Variants in DPP6 observed in about 807,000 individuals in gnomAD.
The protein encoded by DPP6 is A-type potassium channel modulatory protein DPP6.
In DPP6, 69 loss-of-function variants were observed where a neutral mutation model predicts 122.6. The ratio of observed to expected loss-of-function variants is 0.56; its 90% CI spans 0.46 to 0.69. DPP6 has a LOEUF of 0.69. Among genes scored for constraint, DPP6 ranks in the 30% least tolerant of loss-of-function variants. The pLI is 0.00. For missense variants in DPP6, 928 were observed against 1,116.9 expected (o/e 0.83, Z 2.41); for synonymous variants, 418 against 433.1 (o/e 0.97, Z 0.43).
chr7:154,431,354 A>G lies in DPP6; in HGVS notation c.244-14860A>G, dbSNP rs181630469. Among the ~76,000 whole-genome samples, 904 of 152,294 alleles carry G rather than the reference A, an allele frequency of 5.9e-3. 13 individuals are homozygous for G. The highest frequency in any genetic ancestry group is 0.021 in the African/African-American group (871 of 41,558). On this transcript the variant is annotated intron_variant, in intron 1 of 25. Transcript: ENST00000377770. The stretch of plus-strand genomic sequence containing the variant: ...CACACCACCCACAAAAGGCAGGCGG[A>G]CAGTGGAAGAACACTCCAGGCCCCC...
intron 1 of DPP6, among the ~76,000 whole-genome samples, chr7:153,889,923 T>A (rs1359285589): frequency 1.3e-5 from 2 of 152,208 alleles, no homozygotes; most frequent in East Asian, 3.9e-4. Flanking sequence ...AATTTTCATG[T>A]TCCAAGGAAA....
At chr7:154,472,099 T>C (rs1173914493) in intron 2 of DPP6, among the ~76,000 whole-genome samples, 1 of 152,128 alleles carries the variant, frequency 6.6e-6, no homozygotes, top group Non-Finnish European at 1.5e-5. Context: ...AAGGAGGGGA[T>C]CAAATGCTGC....
At chr7:153,838,898 G>A in the DPP6 span, among the ~76,000 whole-genome samples, 1 of 140,624 alleles carries the variant, frequency 7.1e-6, no homozygotes, top group South Asian at 3.0e-4. Flanking sequence ...TGAAAAATTA[G>A]GAGCATTCCT....
intron 3 of DPP6, among the ~76,000 whole-genome samples, chr7:154,510,923 T>TACACACACACATGCACACACAC (rs1256638517): frequency 2.5e-5 from 3 of 121,342 alleles, no homozygotes; most frequent in African/African-American, 9.7e-5. Flanking sequence ...CTCTTACACA[T>TACACACACACATGCACACACAC]ACACACACAC....
intron 1 of DPP6, among the ~76,000 whole-genome samples, chr7:154,081,247 T>G (rs1259303179): frequency 6.6e-6 from 1 of 150,578 alleles, no homozygotes; most frequent in Non-Finnish European, 1.5e-5. Flanking sequence ...ATGAGTGTGC[T>G]TGGTAGCAGT....
the DPP6 span, among the ~76,000 whole-genome samples, chr7:153,876,032 A>G: frequency 6.6e-6 from 1 of 152,016 alleles, no homozygotes; most frequent in South Asian, 2.1e-4. Flanking sequence ...GAAAGGCAAG[A>G]AATGACACAT....
At chr7:154,423,328 GC>G (rs1277395175) in intron 1 of DPP6, among the ~76,000 whole-genome samples, 1 of 152,184 alleles carries the variant, frequency 6.6e-6, no homozygotes. Context: ...GGTGGTGTCT[GC>G]GAACTGGCAA....
At chr7:154,559,347 G>GAAA (rs372642507) in intron 4 of DPP6, among the ~76,000 whole-genome samples, 3 of 114,990 alleles carry the variant, frequency 2.6e-5, no homozygotes, top group African/African-American at 6.4e-5. Flanking sequence ...AGAGAAACTT[G>GAAA]AAAAAAAAAA....
At chr7:154,259,383 C>T (rs895888099) in intron 1 of DPP6, among the ~76,000 whole-genome samples, 1 of 152,176 alleles carries the variant, frequency 6.6e-6, no homozygotes, top group African/African-American at 2.4e-5. Flanking sequence ...ATAGGAAATA[C>T]TGGATTCGTA....
chr7:154,416,259 C>G (rs1242488470), intron 1 of DPP6, among the ~76,000 whole-genome samples: 1 of 152,140 alleles, frequency 6.6e-6, no homozygotes, highest in East Asian at 1.9e-4. Context: ...CCATGGACAT[C>G]ATCATGCCGA....
chr7:154,056,245 C>T (rs1053694048), intron 1 of DPP6, among the ~76,000 whole-genome samples: 12 of 151,952 alleles, frequency 7.9e-5, no homozygotes, highest in Admixed American at 6.6e-5. Flanking sequence ...TCTTCTCTAT[C>T]CACTTCCTTG....
intron 3 of DPP6, among the ~76,000 whole-genome samples, chr7:154,518,200 T>C (rs1826687641): frequency 6.6e-6 from 1 of 152,228 alleles, no homozygotes; most frequent in Non-Finnish European, 1.5e-5. Flanking sequence ...TTAGTTAAAT[T>C]ATGATTCAGA....
At chr7:154,245,401 G>T (rs1801908578) in intron 1 of DPP6, among the ~76,000 whole-genome samples, 1 of 151,708 alleles carries the variant, frequency 6.6e-6, no homozygotes, top group Non-Finnish European at 1.5e-5. Context: ...TTTGGAGGCC[G>T]AGGTGGGTGG....
chr7:154,066,663 A>G (rs62485608), intron 1 of DPP6, among the ~76,000 whole-genome samples: 104,992 of 149,474 alleles, frequency 0.7, 38,084 homozygotes, highest in African/African-American at 0.89. Flanking sequence ...GTCTCATGTA[A>G]AAGGGCAAGG....
Position 154,483,037 on chromosome 7 carries a change from A to G in DPP6, c.457+8000A>G, listed in dbSNP as rs1015219442. Among the ~76,000 whole-genome samples the G allele has an allele frequency of 6.6e-6, 1 of 152,116 alleles. No individual in the cohort carries two copies. The highest frequency in any genetic ancestry group is 1.5e-5 in the Non-Finnish European group (1 of 68,004). ...TGAAGCCAGGTGAGAGGTTGGAGCC[A>G]TCTGGAGGACCATGGAAAGCGTGGG... On this transcript the variant is annotated intron_variant, in intron 3 of 25. Coordinates refer to ENST00000377770, the MANE Select transcript of DPP6 (RefSeq NM_130797.4). The surrounding 1 kb of genome is among the most constrained non-coding windows in gnomAD (Gnocchi z 8.1).
At chr7:153,893,280 G>C (rs992417458) in intron 1 of DPP6, among the ~76,000 whole-genome samples, 3 of 152,156 alleles carry the variant, frequency 2.0e-5, no homozygotes, top group East Asian at 3.9e-4. Context: ...TCTGTAACCT[G>C]TCCTGGTCAG....
At chr7:154,648,194 C>T (rs997538554) in intron 6 of DPP6, among the ~76,000 whole-genome samples, 3 of 151,218 alleles carry the variant, frequency 2.0e-5, no homozygotes, top group African/African-American at 4.9e-5. Flanking sequence ...CTTGAACCTG[C>T]GAGGCAGAGG....
At chr7:153,962,292 C>T (rs1270369201) in intron 1 of DPP6, among the ~76,000 whole-genome samples, 16 of 152,114 alleles carry the variant, frequency 1.1e-4, no homozygotes, top group African/African-American at 3.6e-4. Context: ...AAATCCTTAT[C>T]CTATTTGATA....
At chr7:154,216,930 T>TA (rs10558754) in intron 1 of DPP6, among the ~76,000 whole-genome samples, 76 of 147,428 alleles carry the variant, frequency 5.2e-4, no homozygotes, top group African/African-American at 1.7e-3. Flanking sequence ...GAAACCTCTC[T>TA]AAAAAAAAAA....
Sources: gnomAD v4.1 joint callset for allele counts (sites outside exome capture counted in the v4.1 genomes callset) on GRCh38, gnomAD v4.1.1 for gene constraint, Gnocchi (gnomAD v3.1) non-coding constraint, MANE v1.5 for transcripts, NCBI Gene and HGNC (gene_info 2026-07-23, HGNC 2026-07-21) for gene names.